Variants in IL32 observed in about 807,000 individuals in gnomAD.
IL32 encodes interleukin-32.
In IL32, 30 loss-of-function variants were observed where a neutral mutation model predicts 16.6. That is an observed-to-expected ratio of 1.81 (90% CI 1.35 to 2.45). The LOEUF is 2.45. IL32 is among the 30% of genes most tolerant of loss of function. The pLI is 0.00. For missense variants in IL32, 234 were observed against 229.8 expected, an observed-to-expected ratio of 1.02 and a Z score of -0.12; for synonymous variants, 70 against 86.1, an observed-to-expected ratio of 0.81 and a Z score of 1.03.
chr16:3,067,836 A>G, intron 4 of IL32, 148 bp from the exon 5 acceptor site: 2 of 984,754 alleles, frequency 2.0e-6, no homozygotes, highest in Non-Finnish European at 3.2e-6. Flanking sequence ...TCCTTGAGGA[A>G]ACAACAGGGG....
intron 4 of IL32, 122 bp downstream of exon 4, chr16:3,067,735 G>C (rs1226766324): frequency 1.1e-6 from 1 of 908,792 alleles, no homozygotes; most frequent in Non-Finnish European, 1.7e-6. Flanking sequence ...CCCTTACCGT[G>C]GGCAAATGCT....
At chr16:3,068,614 C>A in intron 6 of IL32, 1 of 414,230 alleles carries the variant, frequency 2.4e-6, no homozygotes, top group Non-Finnish European at 4.5e-6. Flanking sequence ...CCCAGCCAAC[C>A]CCTGCCCTGT....
At chr16:3,067,139 G>A (rs989367131) in intron 2 of IL32, among the ~76,000 whole-genome samples, 5 of 151,450 alleles carry the variant, frequency 3.3e-5, no homozygotes, top group African/African-American at 1.2e-4. Context: ...TCTTGGGCCT[G>A]CCCAGCTGAG....
At chr16:3,068,293 CTTTT>C (rs1345108764) in intron 6 of IL32, 54 bp downstream of exon 6, 5 of 1,428,064 alleles carry the variant, frequency 3.5e-6, no homozygotes, top group African/African-American at 1.4e-5. Context: ...TCTGCCCTGT[CTTTT>C]CTTTCTTTCT....
At chr16:3,068,354 G>A (rs1232268598) in intron 6 of IL32, 115 bp downstream of exon 6, 1 of 947,958 alleles carries the variant, frequency 1.1e-6, no homozygotes, top group South Asian at 1.5e-5. Context: ...CGCCCAGGCT[G>A]GAGTGCAGTG....
chr16:3,069,445 A>G lies in IL32; in HGVS notation c.*90A>G, dbSNP rs1956827543. 2.8e-6 allele frequency: 4 copies of G among 1,424,328 alleles called. No homozygotes were observed. In the East Asian group the frequency reaches 9.2e-5, roughly 33 times the overall value. The allele number at this position is 1,424,328 out of a possible 1,614,324, so 88.2% of individuals were successfully genotyped here. ...TCCTGTGCCCCGCCCTCTCCCGCAC[A>G]CTCAGTCCCCCTGCCTGGCGTTCCT... On this transcript the variant is annotated 3_prime_UTR_variant, in exon 7 of 7. Transcript: ENST00000525643.
chr16:3,068,647 G>A, intron 6 of IL32: 1 of 425,692 alleles, frequency 2.3e-6, no homozygotes, highest in Non-Finnish European at 4.4e-6. Context: ...TGGGCAGGGT[G>A]TGCCCAGCCC....
chr16:3,068,765 TG>T, intron 6 of IL32: 1 of 666,152 alleles, frequency 1.5e-6, no homozygotes, highest in Non-Finnish European at 2.5e-6. Flanking sequence ...GGCCCTGACC[TG>T]GTGACCAAGC....
chr16:3,066,605 G>C (rs1024122689), intron 2 of IL32, among the ~76,000 whole-genome samples: 4 of 152,090 alleles, frequency 2.6e-5, no homozygotes, highest in Non-Finnish European at 4.4e-5. Context: ...GGCCTCTGTG[G>C]ATGCAGCCAC....
chr16:3,068,719 C>A, intron 6 of IL32: 1 of 517,564 alleles, frequency 1.9e-6, no homozygotes, highest in Non-Finnish European at 3.5e-6. Context: ...TGGCCTCACT[C>A]CTCACACAGT....
chr16:3,068,025 C>A lies in IL32; in HGVS notation c.141+15C>A. On this transcript the variant is annotated intron_variant, in intron 5 of 6. Transcript: ENST00000525643. ...CAGAGCTGGAGGTGAGCCGTGGCCTCCCCCTCCACCAAGCTTAGTCCCTGG... is the reference window on the plus strand; with the variant it reads ...CAGAGCTGGAGGTGAGCCGTGGCCTACCCCTCCACCAAGCTTAGTCCCTGG... 6.2e-7 allele frequency: 1 copy of A among 1,613,774 alleles called. No individual in the cohort carries two copies. The highest frequency in any genetic ancestry group is 8.5e-7 in the Non-Finnish European group (1 of 1,179,694).
At chr16:3,067,505 G>C (rs778976584) in intron 3 of IL32, 49 bp from the exon 4 acceptor site, 2 of 1,613,924 alleles carry the variant, frequency 1.2e-6, no homozygotes, top group Non-Finnish European at 1.7e-6. Context: ...TGGGACCCTG[G>C]AGGGACAAGG....
intron 2 of IL32, among the ~76,000 whole-genome samples, chr16:3,066,699 C>T (rs888044732): frequency 5.3e-5 from 8 of 152,154 alleles, no homozygotes; most frequent in African/African-American, 1.9e-4. Context: ...GGTGGACCTA[C>T]CTGGCACCCC....
intron 6 of IL32, chr16:3,068,518 T>A: frequency 2.1e-6 from 1 of 471,648 alleles, no homozygotes; most frequent in Non-Finnish European, 3.9e-6. Context: ...TCACCATGTT[T>A]GCCAGGCTGG....
chr16:3,067,788 G>A (rs959576516), intron 4 of IL32, 175 bp downstream of exon 4: 23 of 806,254 alleles, frequency 2.9e-5, no homozygotes, highest in East Asian at 1.3e-4. Flanking sequence ...GGATCTGGAC[G>A]CCCGGGGAGA....
intron 6 of IL32, chr16:3,068,766 G>T: frequency 1.5e-6 from 1 of 674,000 alleles, no homozygotes. Context: ...GCCCTGACCT[G>T]GTGACCAAGC....
chr16:3,067,791 CG>C, intron 4 of IL32, 178 bp downstream of exon 4: 1 of 811,898 alleles, frequency 1.2e-6, no homozygotes, highest in Non-Finnish European at 2.0e-6. Context: ...TCTGGACGCC[CG>C]GGGAGACTGA....
chr16:3,067,612 A>G lies in IL32; in HGVS notation c.113A>G (p.Gln38Arg). 1 of 1,607,922 alleles carries G rather than the reference A, an allele frequency of 6.2e-7. No individual in the cohort carries two copies. Among genetic ancestry groups the G allele is most frequent in the Non-Finnish European group, 8.5e-7 (1 of 1,175,662 alleles). Residue 38 changes from glutamine (Q) to arginine (R), a missense_variant and splice_region_variant, in exon 4 of 7, where the codon CAG (glutamine) becomes CGG (arginine). Physicochemically the swap from Gln to Arg is conservative, Grantham distance 43. This residue lies in a region of IL32 where 137 missense variants were observed against 80.7 expected (regional missense o/e 1.70). Transcript: ENST00000525643. Reference protein sequence around the residue: ...KMQNAESGRGQVMSSLAELED... With the variant: ...KMQNAESGRGRVMSSLAELED... ...CAAAATGCAGAATCAGGACGTGGAC[A>G]GGTGGGTGGATTTCCCCTCAGGCAC...
Position 3,067,402 on chromosome 16 carries a change from T to G in IL32, c.41T>G (p.Leu14Arg). The G allele has an allele frequency of 2.6e-6, 4 of 1,566,282 alleles. No homozygotes were observed. The highest frequency in any genetic ancestry group is 1.7e-4 in the Middle Eastern group (1 of 5,810). Residue 14 changes from leucine to arginine, a missense_variant, in exon 3 of 7, where the codon CTG (leucine) becomes CGG (arginine). Transcript: ENST00000525643. ...GTCCTCTCTGATGACATGAAGAAGC[T>G]GAAGGCCCGAATGGTAATGCTCCTC... ...PKVLSDDMKK[L>R]KARMHQAIER... is the part of the protein sequence containing the mutation.
Sources: allele counts gnomAD v4.1 joint callset (sites outside exome capture counted in the v4.1 genomes callset), GRCh38; gene constraint gnomAD v4.1.1; regional missense constraint gnomAD v4.1.1; transcripts MANE v1.5; gene names NCBI Gene and HGNC (gene_info 2026-07-23, HGNC 2026-07-21).